The following LDB2 variants were observed in gnomAD, a reference collection of about 807,000 sequenced individuals.
The protein encoded by LDB2 is LIM domain binding 2.
Under a neutral mutation model 44.3 loss-of-function variants are expected in LDB2, and 12 were observed. The observed-to-expected ratio is 0.27, with a 90% CI of 0.17 to 0.44. The LOEUF (loss-of-function observed/expected upper bound fraction) is 0.44, where lower values mean the gene tolerates loss of function less well. Among genes scored for constraint, LDB2 ranks in the 20% least tolerant of loss-of-function variants. LDB2 has a pLI of 1.00. For missense variants in LDB2, 344 were observed against 473.5 expected, an observed-to-expected ratio of 0.73 and a Z score of 2.54; for synonymous variants, 164 against 174.8, an observed-to-expected ratio of 0.94 and a Z score of 0.49.
At chr4:16,750,001 A>C (rs1765183029) in intron 2 of LDB2, among the ~76,000 whole-genome samples, 2 of 151,904 alleles carry the variant, frequency 1.3e-5, no homozygotes, top group African/African-American at 4.9e-5. Context: ...TATATTTTTT[A>C]ATTCTATTTT....
At chr4:16,512,938 C>G (rs940295384) in intron 5 of LDB2, among the ~76,000 whole-genome samples, 1 of 152,120 alleles carries the variant, frequency 6.6e-6, no homozygotes, top group African/African-American at 2.4e-5. Context: ...ATCAGAATAC[C>G]ACTGCATTGA....
intron 2 of LDB2, among the ~76,000 whole-genome samples, chr4:16,737,807 T>C (rs1469870668): frequency 1.3e-5 from 2 of 152,254 alleles, no homozygotes; most frequent in African/African-American, 4.8e-5. Flanking sequence ...TATGCAATTA[T>C]GGATAATTTT....
At chr4:16,793,749 T>G (rs896074510) in intron 1 of LDB2, among the ~76,000 whole-genome samples, 1 of 152,114 alleles carries the variant, frequency 6.6e-6, no homozygotes, top group African/African-American at 2.4e-5. Flanking sequence ...AAACCCAAAA[T>G]GTATTTGGAG....
At chr4:16,652,448 C>T (rs1216500046) in intron 2 of LDB2, among the ~76,000 whole-genome samples, 6 of 152,070 alleles carry the variant, frequency 3.9e-5, no homozygotes, top group African/African-American at 7.2e-5. Context: ...GCTTAGTTGC[C>T]GAGTGAGAAG....
rs185317559 is a variant in LDB2, at chr4:16,859,222, C to T, written c.132+39132G>A. Reference sequence around the variant, plus strand: ...GAGTCCTACTCCAGATCTCTGACTACGTTCCAAAAAAAGAAAAAGAAAAAT... The same window carrying T: ...GAGTCCTACTCCAGATCTCTGACTATGTTCCAAAAAAAGAAAAAGAAAAAT... On this transcript the variant is annotated intron_variant, in intron 1 of 7. Transcript: ENST00000304523. Among the ~76,000 whole-genome samples the T allele has an allele frequency of 6.3e-4, 96 of 152,224 alleles. No homozygotes were observed. The East Asian group carries it at 0.013, about 21-fold the overall frequency.
chr4:16,743,965 A>T (rs999669255), intron 2 of LDB2, among the ~76,000 whole-genome samples: 1 of 152,204 alleles, frequency 6.6e-6, no homozygotes, highest in Non-Finnish European at 1.5e-5. Flanking sequence ...TTTTTTACAC[A>T]TCACTAAAAT....
At chr4:16,610,347 C>T (rs114068520) in intron 2 of LDB2, among the ~76,000 whole-genome samples, 17 of 152,134 alleles carry the variant, frequency 1.1e-4, no homozygotes, top group African/African-American at 3.1e-4. Flanking sequence ...GGGTGCAGAA[C>T]GGGGCAGAGG....
chr4:16,652,017 C>A (rs1397595247), intron 2 of LDB2, among the ~76,000 whole-genome samples: 2 of 152,132 alleles, frequency 1.3e-5, no homozygotes, highest in African/African-American at 4.8e-5. Context: ...GTGGCATGAT[C>A]ATAGTGCACT....
At chr4:16,620,775 G>T (rs938383562) in intron 2 of LDB2, among the ~76,000 whole-genome samples, 1 of 152,172 alleles carries the variant, frequency 6.6e-6, no homozygotes, top group Non-Finnish European at 1.5e-5. Context: ...CTGTCCTATA[G>T]GCTGACCAAG....
chr4:16,528,670 C>G (rs1051472816), intron 5 of LDB2, among the ~76,000 whole-genome samples: 2 of 152,202 alleles, frequency 1.3e-5, no homozygotes, highest in African/African-American at 2.4e-5. Context: ...GCAGTGCCAC[C>G]TGCCACCAGA....
chr4:16,877,960 G>C (rs901577744), intron 1 of LDB2, among the ~76,000 whole-genome samples: 1 of 143,358 alleles, frequency 7.0e-6, no homozygotes, highest in African/African-American at 2.6e-5. Flanking sequence ...GGAAAACAGA[G>C]CCACTAATAA....
intron 5 of LDB2, among the ~76,000 whole-genome samples, chr4:16,566,363 G>T (rs879371220): frequency 2.0e-5 from 3 of 152,022 alleles, no homozygotes; most frequent in Admixed American, 2.0e-4. Context: ...ACAGGAATTG[G>T]AATACAGAAA....
chr4:16,556,030 T>C (rs745778587), intron 5 of LDB2, among the ~76,000 whole-genome samples: 4 of 152,192 alleles, frequency 2.6e-5, no homozygotes, highest in Non-Finnish European at 4.4e-5. Context: ...CCCCTGTTTC[T>C]CCTCTAGCTA....
rs552018961 is a variant in LDB2 at position 16,645,157 on chromosome 4, G to A, written c.236-49282C>T. 5.3e-5 allele frequency among the ~76,000 whole-genome samples: 8 copies of A among 152,322 alleles called. No individual in the cohort carries two copies. In the East Asian group the frequency reaches 5.8e-4, roughly 11 times the overall value. The stretch of plus-strand genomic sequence containing the variant: ...CCTTTTAGGCAAAAGATCAAGTCCC[G>A]AGGATTCTGACTCCACTAATTCAGA... On this transcript the variant is annotated intron_variant, in intron 2 of 7. Transcript: ENST00000304523.
chr4:16,565,174 T>C (rs1744046587), intron 5 of LDB2, among the ~76,000 whole-genome samples: 2 of 152,200 alleles, frequency 1.3e-5, no homozygotes, highest in Admixed American at 1.3e-4. Flanking sequence ...ACTTACTGGC[T>C]ATCTGGTCTT....
chr4:16,645,765 G>C (rs1485093574), intron 2 of LDB2, among the ~76,000 whole-genome samples: 3 of 152,190 alleles, frequency 2.0e-5, no homozygotes, highest in Non-Finnish European at 1.5e-5. Context: ...CTTTGGGTCA[G>C]AGTTTAAATT....
intron 2 of LDB2, among the ~76,000 whole-genome samples, chr4:16,645,316 C>G (rs1736410973): frequency 6.6e-6 from 1 of 150,974 alleles, no homozygotes. Context: ...GCGGGTGGAT[C>G]ATGAGGTCAG....
chr4:16,885,439 A>G (rs986842709), intron 1 of LDB2, among the ~76,000 whole-genome samples: 1 of 152,336 alleles, frequency 6.6e-6, no homozygotes, highest in African/African-American at 2.4e-5. Flanking sequence ...GACTGATACA[A>G]ATATGAGCAA....
intron 1 of LDB2, among the ~76,000 whole-genome samples, chr4:16,800,025 T>C (rs7664000): frequency 0.01 from 1,588 of 152,102 alleles, 28 homozygotes; most frequent in African/African-American, 0.035. Context: ...AGGCCCAGTA[T>C]ATGAGTAGAT....
Sources: allele counts gnomAD v4.1 joint callset (sites outside exome capture counted in the v4.1 genomes callset), GRCh38; gene constraint gnomAD v4.1.1; transcripts MANE v1.5; gene names NCBI Gene and HGNC (gene_info 2026-07-23, HGNC 2026-07-21).